The following SUCLA2 variants were observed in gnomAD, a reference collection of about 807,000 sequenced individuals.
The protein encoded by SUCLA2 is succinate-CoA ligase ADP-forming subunit beta.
In SUCLA2, 30 loss-of-function variants were observed where a neutral mutation model predicts 54.8. The ratio of observed to expected loss-of-function variants is 0.55; its 90% CI spans 0.41 to 0.74. The LOEUF (loss-of-function observed/expected upper bound fraction) is 0.74, where lower values mean the gene tolerates loss of function less well. Ranked by LOEUF, SUCLA2 falls within the 30% of genes least tolerant of loss-of-function variation. The probability of loss-of-function intolerance (pLI) is 0.00; values close to 1 mark genes in which losing one functional copy is unlikely to be tolerated. For missense variants in SUCLA2, 476 were observed against 562.9 expected (o/e 0.85, Z 1.56); for synonymous variants, 172 against 188.9 (o/e 0.91, Z 0.74).
intron 4 of SUCLA2, among the ~76,000 whole-genome samples, chr13:47,985,905 T>C (rs1950099000): frequency 6.6e-6 from 1 of 152,174 alleles, no homozygotes; most frequent in Non-Finnish European, 1.5e-5. Flanking sequence ...ATCTGTTGTT[T>C]TTTGACTTTT....
Position 47,988,599 on chromosome 13 carries a change from T to C in SUCLA2, c.476A>G (p.Glu159Gly). Residue 159 changes from glutamate to glycine, a missense_variant, in exon 4 of 11, where the codon GAG (glutamate) becomes GGG (glycine). By Grantham distance (98) the Glu-to-Gly change is moderately conservative (BLOSUM62 -2). This residue lies in a region of SUCLA2 where 342 missense variants were observed against 444.2 expected (regional missense o/e 0.77). Coordinates refer to ENST00000646932, the MANE Select transcript of SUCLA2 (RefSeq NM_003850.3). ...GTATTCTCTCCTGGGATATTTTCGC[T>C]CACAGACCAATACTTGATTGCATAT... The part of the protein sequence containing the change: ...GRICNQVLVC[E>G]RKYPRREYYF... 6.2e-7 allele frequency: 1 copy of C among 1,613,984 alleles called. No individual in the cohort carries two copies. The highest frequency in any genetic ancestry group is 8.5e-7 in the Non-Finnish European group (1 of 1,179,950).
chr13:47,993,977 G>T (rs1950171073), intron 2 of SUCLA2, among the ~76,000 whole-genome samples: 1 of 150,122 alleles, frequency 6.7e-6, no homozygotes, highest in Non-Finnish European at 1.5e-5. Flanking sequence ...GAGGTTGCTT[G>T]AACCCAGGAG....
chr13:47,992,917 A>G (rs1950160828), intron 2 of SUCLA2, among the ~76,000 whole-genome samples: 1 of 152,218 alleles, frequency 6.6e-6, no homozygotes, highest in South Asian at 2.1e-4. Flanking sequence ...TATAGTCAAT[A>G]GGGAAATTAT....
intron 4 of SUCLA2, among the ~76,000 whole-genome samples, chr13:47,976,377 A>C (rs542067132): frequency 1.3e-5 from 2 of 152,112 alleles, no homozygotes; most frequent in Admixed American, 1.3e-4. Flanking sequence ...TCCCCCCACC[A>C]CTCCAAACTA....
At chr13:47,949,450 T>G in intron 9 of SUCLA2, 33 bp downstream of exon 9, 1 of 1,612,408 alleles carries the variant, frequency 6.2e-7, no homozygotes, top group Non-Finnish European at 8.5e-7. Flanking sequence ...TTTAAAGAAT[T>G]AGGAACAACT....
chr13:47,975,607 C>CGAA (rs1950006046), intron 4 of SUCLA2, among the ~76,000 whole-genome samples: 2 of 130,840 alleles, frequency 1.5e-5, no homozygotes, highest in South Asian at 2.4e-4. Flanking sequence ...AAAGAAGAAT[C>CGAA]TATCACTTTT....
At chr13:47,977,819 T>C (rs1950029114) in intron 4 of SUCLA2, among the ~76,000 whole-genome samples, 1 of 151,960 alleles carries the variant, frequency 6.6e-6, no homozygotes, top group South Asian at 2.1e-4. Context: ...TACACAATAA[T>C]GAGAAACTGA....
rs772228438 is a variant in SUCLA2 at position 47,954,417 on chromosome 13, C to T, written c.943G>A (p.Asp315Asn). The T allele has an allele frequency of 3.4e-5, 55 of 1,613,870 alleles. No individual in the cohort carries two copies. The highest frequency in any genetic ancestry group is 4.2e-5 in the Non-Finnish European group (50 of 1,179,902). ...GTACCTAGGCAGCCTATATTTCCAT[C>T]GAGGCCAATGTAGTTGAGATTTGCC... ...AKANLNYIGL[D>N]GNIGCLVNGA... Residue 315 changes from aspartate to asparagine, a missense_variant, in exon 7 of 11, where the codon GAT (aspartate) becomes AAT (asparagine). Physicochemically the swap from Asp to Asn is conservative, Grantham distance 23 (BLOSUM62 1). Around this residue, in one of 2 missense-constraint regions of SUCLA2, gnomAD observed 342 missense variants for 444.2 expected, o/e 0.77. Transcript: ENST00000646932.
intron 8 of SUCLA2, 113 bp downstream of exon 8, chr13:47,954,027 A>C: frequency 1.0e-6 from 1 of 1,000,146 alleles, no homozygotes; most frequent in Non-Finnish European, 1.3e-6. Flanking sequence ...CAAAATATAT[A>C]TTAAAAGACA....
chr13:47,993,554 C>T (rs1435628129), intron 2 of SUCLA2, among the ~76,000 whole-genome samples: 2 of 152,138 alleles, frequency 1.3e-5, no homozygotes, highest in Non-Finnish European at 1.5e-5. Context: ...TTTTTCACAT[C>T]ATCACACAAA....
rs1390477659 is a variant in SUCLA2, at chr13:47,996,937, C to T, written c.177G>A (p.Met59Ile). ...QQRNLSLHEY[M>I]SMELLQEAGV... is the part of the protein sequence containing the mutation. Reference sequence around the variant, plus strand: ...CAGCTTCTTGCAATAATTCCATACTCATGTATTCATGTAGTGAGAGATTCC... The same window carrying T: ...CAGCTTCTTGCAATAATTCCATACTTATGTATTCATGTAGTGAGAGATTCC... Residue 59 changes from methionine to isoleucine, a missense_variant, in exon 2 of 11, where the codon ATG becomes ATA. Met to Ile is a conservative substitution (Grantham distance 10, BLOSUM62 1). Around this residue, in one of 2 missense-constraint regions of SUCLA2, gnomAD observed 134 missense variants for 118.7 expected, o/e 1.13. Transcript: ENST00000646932. 2.5e-6 allele frequency: 4 copies of T among 1,614,038 alleles called. No homozygotes were observed. Among genetic ancestry groups the T allele is most frequent in the Non-Finnish European group, 3.4e-6 (4 of 1,179,978 alleles).
At chr13:47,965,518 A>C (rs1352899742) in intron 6 of SUCLA2, 10 of 385,982 alleles carry the variant, frequency 2.6e-5, no homozygotes, top group Admixed American at 9.1e-5. Context: ...CAAACAAACA[A>C]AAAAAAAAAA....
intron 10 of SUCLA2, among the ~76,000 whole-genome samples, chr13:47,946,182 CTACT>C (rs925168531): frequency 6.6e-6 from 1 of 152,108 alleles, no homozygotes; most frequent in Non-Finnish European, 1.5e-5. Flanking sequence ...TATAATTGTT[CTACT>C]TTATTATTAG....
intron 10 of SUCLA2, among the ~76,000 whole-genome samples, chr13:47,945,476 C>A (rs991161859): frequency 3.4e-5 from 5 of 146,434 alleles, no homozygotes; most frequent in African/African-American, 1.3e-4. Context: ...AGCTATAGAG[C>A]CCAAAGAGTG....
rs374732339 is a variant in SUCLA2 at position 47,944,705 on chromosome 13, G to T, written c.1318-1260C>A. ...CTCAAATTCTTTATTTTTAATTCAG[G>T]TTTAAGTTTAAATTCTTCTGTCTCC... On this transcript the variant is annotated intron_variant, in intron 10 of 10. Coordinates refer to ENST00000646932, the MANE Select transcript of SUCLA2 (RefSeq NM_003850.3). Among the ~76,000 whole-genome samples the T allele has an allele frequency of 3.7e-4, 57 of 152,164 alleles. 2 individuals carry two copies. The South Asian group carries it at 0.012, about 32-fold the overall frequency.
chr13:47,965,891 AC>A (rs1451584125), intron 6 of SUCLA2, among the ~76,000 whole-genome samples: 1 of 152,160 alleles, frequency 6.6e-6, no homozygotes, highest in Non-Finnish European at 1.5e-5. Context: ...TACTAAAAAT[AC>A]AAACAATTAG....
rs566731597 is a variant in SUCLA2 at position 47,976,892 on chromosome 13, C to A, written c.535-3500G>T. Among the ~76,000 whole-genome samples, 3 of 151,630 alleles carry A rather than the reference C, an allele frequency of 2.0e-5. No individual in the cohort carries two copies. In the South Asian group the frequency reaches 6.3e-4, roughly 32 times the overall value. On this transcript the variant is annotated intron_variant, in intron 4 of 10. Coordinates refer to ENST00000646932, the MANE Select transcript of SUCLA2 (RefSeq NM_003850.3). Reference sequence around the variant, plus strand: ...TTCAGAATTTCAGATTTGGGATGCTCAACCTATATTTATACCACAAGAAAC... The same window carrying A: ...TTCAGAATTTCAGATTTGGGATGCTAAACCTATATTTATACCACAAGAAAC...
At chr13:47,973,182 C>T in intron 5 of SUCLA2, 82 bp downstream of exon 5, 1 of 1,229,090 alleles carries the variant, frequency 8.1e-7, no homozygotes, top group Non-Finnish European at 1.2e-6. Flanking sequence ...TAAGTTTTGA[C>T]AATTACTTCA....
intron 5 of SUCLA2, among the ~76,000 whole-genome samples, chr13:47,970,732 C>T (rs150240367): frequency 0.027 from 4,135 of 152,092 alleles, 89 homozygotes; most frequent in South Asian, 0.081. Context: ...TGGTGGCGGG[C>T]GCCTGTAATC....
Sources: gnomAD v4.1 joint callset for allele counts (sites outside exome capture counted in the v4.1 genomes callset) on GRCh38, gnomAD v4.1.1 for gene constraint, gnomAD v4.1.1 regional missense constraint, MANE v1.5 for transcripts, NCBI Gene and HGNC (gene_info 2026-07-23, HGNC 2026-07-21) for gene names.